The following GUCY2C variants were observed in gnomAD, a reference collection of about 807,000 sequenced individuals.
The protein encoded by GUCY2C is guanylyl cyclase C.
In GUCY2C, 118 loss-of-function variants were observed where a neutral mutation model predicts 131.1. The ratio of observed to expected loss-of-function variants is 0.90; its 90% CI spans 0.78 to 1.05. The LOEUF is 1.05. Ranked by LOEUF, GUCY2C falls within the 50% of genes least tolerant of loss-of-function variation. GUCY2C has a pLI of 0.00. For synonymous variants in GUCY2C, 452 were observed against 457.8 expected, an observed-to-expected ratio of 0.99 and a Z score of 0.16; for missense variants, 1,161 against 1,304.4, an observed-to-expected ratio of 0.89 and a Z score of 1.69.
In GUCY2C at chr12:14,628,647, C is replaced by T; in HGVS notation, c.2248G>A (p.Gly750Arg). 6.8e-7 allele frequency: 1 copy of T among 1,471,002 alleles called. No individual in the cohort carries two copies. Among genetic ancestry groups the T allele is most frequent in the Non-Finnish European group, 9.5e-7 (1 of 1,049,798 alleles). 91.1% of individuals were successfully genotyped at this position (1,471,002 alleles called of 1,614,324 possible). The part of the protein sequence containing the change: ...KIETTLAKIF[G>R]LFHDQKNESY... ...TAAAAGTAAACATTTCAGCAATACC[C>T]AAATATCTTGGCAAGTGTAGTCTCA... The change falls in exon 20 of 27, where the codon GGA becomes AGA. Residue 750 changes from glycine (G) to arginine (R), a missense_variant and splice_region_variant. Coordinates refer to ENST00000261170, the MANE Select transcript of GUCY2C (RefSeq NM_004963.4).
intron 3 of GUCY2C, among the ~76,000 whole-genome samples, chr12:14,685,395 T>C (rs1024919041): frequency 1.3e-5 from 2 of 152,118 alleles, no homozygotes; most frequent in Non-Finnish European, 2.9e-5. Flanking sequence ...AGAGGTCTAA[T>C]GTTTACTCTC....
chr12:14,686,071 G>A (rs759504549), intron 3 of GUCY2C, 90 bp downstream of exon 3: 4 of 790,722 alleles, frequency 5.1e-6, no homozygotes, highest in African/African-American at 1.7e-5. Context: ...CAACACCTCT[G>A]ATTGTGTTGG....
At chr12:14,676,409 G>A (rs1948236455) in intron 7 of GUCY2C, among the ~76,000 whole-genome samples, 1 of 152,178 alleles carries the variant, frequency 6.6e-6, no homozygotes, top group South Asian at 2.1e-4. Flanking sequence ...CTTAACCTAG[G>A]AATATACATT....
intron 19 of GUCY2C, among the ~76,000 whole-genome samples, chr12:14,635,668 T>C (rs957775249): frequency 6.6e-6 from 1 of 152,056 alleles, no homozygotes. Flanking sequence ...AATAAAAAGT[T>C]GTTTTTATGA....
intron 4 of GUCY2C, among the ~76,000 whole-genome samples, chr12:14,681,812 G>A (rs560904934): frequency 6.6e-6 from 1 of 152,240 alleles, no homozygotes; most frequent in East Asian, 1.9e-4. Flanking sequence ...TCTGACATTT[G>A]GTGAGTCATT....
Position 14,618,095 on chromosome 12 carries a change from A to G in GUCY2C, c.2875+1116T>C, listed in dbSNP as rs1946807190. On this transcript the variant is annotated intron_variant, in intron 24 of 26. Coordinates refer to ENST00000261170, the MANE Select transcript of GUCY2C (RefSeq NM_004963.4). ...TCTTCTATATATTTCTACTGCTACCACTGTCATCAATATTTATTGAGCATC... is the reference window on the plus strand; with the variant it reads ...TCTTCTATATATTTCTACTGCTACCGCTGTCATCAATATTTATTGAGCATC... Among the ~76,000 whole-genome samples, 3 of 152,144 alleles carry G rather than the reference A, an allele frequency of 2.0e-5. No homozygotes were observed. The South Asian group carries it at 6.2e-4, about 31-fold the overall frequency.
At chr12:14,639,569 TAG>T (rs1483499783) in intron 19 of GUCY2C, among the ~76,000 whole-genome samples, 2 of 152,156 alleles carry the variant, frequency 1.3e-5, no homozygotes, top group East Asian at 3.9e-4. Context: ...TATGTCCTAA[TAG>T]AAAGGTGACA....
In GUCY2C at chr12:14,613,077, T is replaced by C. The variant is rs749064392; in HGVS notation, c.*40A>G. 9 of 1,526,150 alleles carry C rather than the reference T, an allele frequency of 5.9e-6. No individual in the cohort carries two copies. In the Admixed American group the frequency reaches 1.5e-4, roughly 26 times the overall value. The allele number at this position is 1,526,150 out of a possible 1,614,324, so 94.5% of individuals were successfully genotyped here. ...CTTGAGGTCGCTGCCTCAGTGCAGC[T>C]GTATTTTAATTTGTGTGAGTCCTTA... On this transcript the variant is annotated 3_prime_UTR_variant, in exon 27 of 27. Transcript: ENST00000261170. The surrounding 1 kb of genome is among the most constrained non-coding windows in gnomAD (Gnocchi z 4.9).
intron 19 of GUCY2C, among the ~76,000 whole-genome samples, chr12:14,637,326 T>G (rs1177535771): frequency 6.6e-6 from 1 of 151,938 alleles, no homozygotes; most frequent in Non-Finnish European, 1.5e-5. Context: ...TGCTCATGGA[T>G]TGGAAGAGTT....
chr12:14,638,124 A>G (rs1352159893), intron 19 of GUCY2C, among the ~76,000 whole-genome samples: 1 of 152,360 alleles, frequency 6.6e-6, no homozygotes, highest in South Asian at 2.1e-4. Context: ...AATGCTCAAC[A>G]TAACTAATCA....
In GUCY2C at chr12:14,620,926, TA is replaced by T. The variant is rs1465399977; in HGVS notation, c.2776+115del. On this transcript the variant is annotated intron_variant, in intron 23 of 26. Coordinates refer to ENST00000261170, the MANE Select transcript of GUCY2C (RefSeq NM_004963.4). ...GGACCTCACATTTGGCAAAAAGAATTAAGAGTAAAAATTATGTGAGGTCGAT... is the reference window on the plus strand; with the variant it reads ...GGACCTCACATTTGGCAAAAAGAATTAGAGTAAAAATTATGTGAGGTCGAT... 4 of 789,648 alleles carry T rather than the reference TA, an allele frequency of 5.1e-6. No homozygotes were observed. In the African/African-American group the frequency reaches 5.3e-5, roughly 10 times the overall value. 48.9% of individuals were successfully genotyped at this position (789,648 alleles called of 1,614,324 possible).
intron 1 of GUCY2C, among the ~76,000 whole-genome samples, chr12:14,688,852 T>C (rs1948526409): frequency 6.6e-6 from 1 of 152,236 alleles, no homozygotes; most frequent in Non-Finnish European, 1.5e-5. Context: ...AGGACCCTTC[T>C]TGGCATTTCA....
At chr12:14,653,063 A>G in intron 12 of GUCY2C, 49 bp from the exon 13 acceptor site, 2 of 1,326,904 alleles carry the variant, frequency 1.5e-6, no homozygotes, top group Non-Finnish European at 2.2e-6. Flanking sequence ...ATCTCATCCT[A>G]CTCACTGCCT....
In GUCY2C at chr12:14,679,746, A is replaced by C; in HGVS notation, c.741T>G (p.Ile247Met). 2 of 1,547,012 alleles carry C rather than the reference A, an allele frequency of 1.3e-6. No homozygotes were observed. Among genetic ancestry groups the C allele is most frequent in the Non-Finnish European group, 1.8e-6 (2 of 1,118,784 alleles). Residue 247 changes from isoleucine to methionine, a missense_variant, in exon 6 of 27, where the codon ATT becomes ATG. Physicochemically the swap from Ile to Met is conservative, Grantham distance 10 (BLOSUM62 1). Transcript: ENST00000261170. ...MDHNRKSNVI[I>M]MCGGPEFLYK... ...AGAGGAACTCTGGACCACCACACATAATAATCACTGGAGGAGAAGGTAAGA... is the reference window on the plus strand; with the variant it reads ...AGAGGAACTCTGGACCACCACACATCATAATCACTGGAGGAGAAGGTAAGA...
intron 15 of GUCY2C, among the ~76,000 whole-genome samples, chr12:14,648,588 T>G (rs1461159339): frequency 1.6e-4 from 25 of 152,236 alleles, no homozygotes; most frequent in Admixed American, 1.5e-3. Context: ...TAATCCTCTT[T>G]GTTTTTTTTC....
At chr12:14,619,346 T>C (rs748094097) in intron 23 of GUCY2C, 37 bp from the exon 24 acceptor site, 1 of 1,319,476 alleles carries the variant, frequency 7.6e-7, no homozygotes, top group South Asian at 1.2e-5. Context: ...GTGGAGGCAA[T>C]AGAAATTGCA....
chr12:14,686,638 G>A (rs1407258855), intron 2 of GUCY2C, among the ~76,000 whole-genome samples: 2 of 152,180 alleles, frequency 1.3e-5, no homozygotes, highest in African/African-American at 2.4e-5. Context: ...GGGCTGAAGT[G>A]AGTAAAATGC....
At chr12:14,678,229 T>C (rs1044220012) in intron 6 of GUCY2C, among the ~76,000 whole-genome samples, 7 of 152,160 alleles carry the variant, frequency 4.6e-5, no homozygotes, top group African/African-American at 1.7e-4. Flanking sequence ...TAATTCTCAT[T>C]TTACAAATGG....
chr12:14,617,170 C>T (rs1236618704), intron 24 of GUCY2C, among the ~76,000 whole-genome samples: 1 of 152,148 alleles, frequency 6.6e-6, no homozygotes, highest in Non-Finnish European at 1.5e-5. Context: ...CCTGAGGCCT[C>T]CCCAGAAGCA....
Sources: allele counts gnomAD v4.1 joint callset (sites outside exome capture counted in the v4.1 genomes callset), GRCh38; gene constraint gnomAD v4.1.1; non-coding constraint Gnocchi (gnomAD v3.1); transcripts MANE v1.5; gene names NCBI Gene and HGNC (gene_info 2026-07-23, HGNC 2026-07-21).